Variants in LACRT observed in about 807,000 individuals in gnomAD.
LACRT encodes extracellular glycoprotein lacritin.
Under a neutral mutation model 14.5 loss-of-function variants are expected in LACRT, and 14 were observed. The ratio of observed to expected loss-of-function variants is 0.96; its 90% CI spans 0.64 to 1.51. The LOEUF is 1.51. Ranked by LOEUF, LACRT falls within the 40% of genes most tolerant of loss-of-function variation. The probability of loss-of-function intolerance (pLI) is 0.00; values close to 1 mark genes in which losing one functional copy is unlikely to be tolerated. For synonymous variants in LACRT, 70 were observed against 63.5 expected, an observed-to-expected ratio of 1.10 and a Z score of -0.48; for missense variants, 156 against 161.8, an observed-to-expected ratio of 0.96 and a Z score of 0.19.
In LACRT at chr12:54,631,765, C is replaced by A. The variant is rs373073673; in HGVS notation, c.328G>T (p.Val110Leu). The A allele has an allele frequency of 6.2e-7, 1 of 1,613,762 alleles. No individual in the cohort carries two copies. Among genetic ancestry groups the A allele is most frequent in the Non-Finnish European group, 8.5e-7 (1 of 1,179,740 alleles). Residue 110 changes from valine (V) to leucine (L), a missense_variant, in exon 4 of 5, where the codon GTG (valine) becomes TTG (leucine). By Grantham distance (32) the Val-to-Leu change is conservative. Coordinates refer to ENST00000257867, the MANE Select transcript of LACRT (RefSeq NM_033277.2). ...AKAGKGMHGGVPGGKQFIENG... is the reference protein window; with the variant it reads ...AKAGKGMHGGLPGGKQFIENG... ...TCGATGAATTGTTTTCCACCTGGCA[C>A]GCCTCCGTGCATTCCTTTTCCTGCT...
In LACRT at chr12:54,633,162, A is replaced by C. The variant is rs146560756; in HGVS notation, c.112+18T>G. 11 of 1,613,032 alleles carry C rather than the reference A, an allele frequency of 6.8e-6. No homozygotes were observed. Among genetic ancestry groups the C allele is most frequent in the Non-Finnish European group, 9.3e-6 (11 of 1,179,044 alleles). ...CCTTCCCAACGAGGGCTAGGGCAGC[A>C]GGGAGAGGAGGACTCACAGGTCCCA... On this transcript the variant is annotated intron_variant, in intron 2 of 4. Coordinates refer to ENST00000257867, the MANE Select transcript of LACRT (RefSeq NM_033277.2).
At chr12:54,631,370 G>T (rs1958151070) in intron 4 of LACRT, among the ~76,000 whole-genome samples, 2 of 152,186 alleles carry the variant, frequency 1.3e-5, no homozygotes, top group African/African-American at 4.8e-5. Context: ...CTCCCAAGTA[G>T]CTGGGACTAC....
intron 4 of LACRT, 86 bp downstream of exon 4, chr12:54,631,652 G>C (rs538463987): frequency 1.0e-6 from 1 of 963,232 alleles, no homozygotes; most frequent in Non-Finnish European, 1.7e-6. Context: ...TGGAAATGGG[G>C]GCAAGTTCTG....
intron 4 of LACRT, among the ~76,000 whole-genome samples, chr12:54,631,260 G>A (rs1313050839): frequency 6.6e-6 from 1 of 151,928 alleles, no homozygotes; most frequent in Non-Finnish European, 1.5e-5. Context: ...TTTTTTTTGA[G>A]ACAGGGTCTT....
Position 54,632,318 on chromosome 12 carries a change from G to T in LACRT, c.176C>A (p.Thr59Lys), listed in dbSNP as rs773915938. The T allele has an allele frequency of 6.2e-7, 1 of 1,614,164 alleles. No homozygotes were observed. Among genetic ancestry groups the T allele is most frequent in the East Asian group, 2.2e-5 (1 of 44,886 alleles). ...EPASPPETTT[T>K]AQETSAAAVQ... is the part of the protein sequence containing the mutation. Reference sequence around the variant, plus strand: ...TGCTGCCGCCGAAGTCTCCTGGGCTGTTGTGGTTGTCTCTGGGGGTGAAGC... The same window carrying T: ...TGCTGCCGCCGAAGTCTCCTGGGCTTTTGTGGTTGTCTCTGGGGGTGAAGC... Residue 59 changes from threonine to lysine, a missense_variant, in exon 3 of 5, where the codon ACA becomes AAA. Transcript: ENST00000257867.
At chr12:54,632,516 C>G (rs1222584560) in intron 2 of LACRT, 135 bp from the exon 3 acceptor site, 7 of 1,018,774 alleles carry the variant, frequency 6.9e-6, no homozygotes, top group Non-Finnish European at 1.0e-5. Flanking sequence ...AACGCTGCCC[C>G]CTTAAGGGAG....
chr12:54,634,518 A>G (rs540708316), intron 1 of LACRT, among the ~76,000 whole-genome samples: 93 of 152,122 alleles, frequency 6.1e-4, no homozygotes, highest in African/African-American at 2.2e-3. Context: ...AGGGGACACC[A>G]GAGAAGCCAG....
chr12:54,634,074 A>G (rs1007455797), intron 1 of LACRT, among the ~76,000 whole-genome samples: 1 of 151,938 alleles, frequency 6.6e-6, no homozygotes, highest in African/African-American at 2.4e-5. Flanking sequence ...GCATCCCAGC[A>G]GGGCACGGTG....
intron 1 of LACRT, 51 bp downstream of exon 1, chr12:54,634,733 T>C: frequency 6.5e-7 from 1 of 1,528,176 alleles, no homozygotes; most frequent in South Asian, 1.1e-5. Flanking sequence ...AGTGAGGGGC[T>C]CCTTGGACTG....
Position 54,632,261 on chromosome 12 carries a change from C to T in LACRT, c.233G>A (p.Arg78Lys), listed in dbSNP as rs773930159. 7 of 1,613,968 alleles carry T rather than the reference C, an allele frequency of 4.3e-6. No homozygotes were observed. The African/African-American group carries it at 5.3e-5, about 12-fold the overall frequency. Residue 78 changes from arginine to lysine, a missense_variant, in exon 3 of 5, where the codon AGG becomes AAG. Transcript: ENST00000257867. ...VQGTAKVTSSRQELNPLKSIV... is the reference protein window; with the variant it reads ...VQGTAKVTSSKQELNPLKSIV... ...CTTACTCAGGGGGTTTAGTTCCTGC[C>T]TGCTTGAGGTGACCTTGGCTGTCCC...
intron 1 of LACRT, 123 bp downstream of exon 1, chr12:54,634,661 T>C (rs1263944472): frequency 1.1e-6 from 1 of 912,052 alleles, no homozygotes; most frequent in East Asian, 2.4e-5. Flanking sequence ...GGGAGAGGAG[T>C]CACTTGCAGA....
chr12:54,631,286 A>G (rs1410093441), intron 4 of LACRT, among the ~76,000 whole-genome samples: 4 of 152,106 alleles, frequency 2.6e-5, no homozygotes, highest in Non-Finnish European at 4.4e-5. Context: ...GTCACCCAGG[A>G]TGGAGTGCAG....
At chr12:54,634,429 G>A (rs1350156785) in intron 1 of LACRT, among the ~76,000 whole-genome samples, 4 of 151,778 alleles carry the variant, frequency 2.6e-5, no homozygotes, top group Admixed American at 6.6e-5. Flanking sequence ...TTGGCAAGTA[G>A]AGTGTCGGCC....
chr12:54,632,291 ACTG>A lies in LACRT; in HGVS notation c.200_202del (p.Ala67del). 6.2e-7 allele frequency: 1 copy of A among 1,614,056 alleles called. No individual in the cohort carries two copies. Among genetic ancestry groups the A allele is most frequent in the Non-Finnish European group, 8.5e-7 (1 of 1,180,000 alleles). ...TGAGGTGACCTTGGCTGTCCCCTGAACTGCTGCCGCCGAAGTCTCCTGGGCTGT... is the reference window on the plus strand; with the variant it reads ...TGAGGTGACCTTGGCTGTCCCCTGAACTGCCGCCGAAGTCTCCTGGGCTGT... On this transcript the variant is annotated inframe_deletion, in exon 3 of 5. Coordinates refer to ENST00000257867, the MANE Select transcript of LACRT (RefSeq NM_033277.2).
At chr12:54,634,709 G>C in intron 1 of LACRT, 75 bp downstream of exon 1, 1 of 1,305,844 alleles carries the variant, frequency 7.7e-7, no homozygotes, top group South Asian at 1.2e-5. Context: ...GAGGAGGAGA[G>C]GGGTGAAGGC....
chr12:54,632,919 T>C (rs1565724951), intron 2 of LACRT, among the ~76,000 whole-genome samples: 1 of 152,000 alleles, frequency 6.6e-6, no homozygotes, highest in East Asian at 1.9e-4. Context: ...TAACCTCATG[T>C]TTCTCTCCCT....
chr12:54,634,604 C>T (rs562197503), intron 1 of LACRT, among the ~76,000 whole-genome samples, 180 bp downstream of exon 1: 93 of 152,226 alleles, frequency 6.1e-4, no homozygotes, highest in African/African-American at 2.2e-3. Context: ...CCAGAGAGTT[C>T]TGGGTTCCTC....
At chr12:54,633,142 C>T in intron 2 of LACRT, 38 bp downstream of exon 2, 3 of 1,605,966 alleles carry the variant, frequency 1.9e-6, no homozygotes, top group Non-Finnish European at 2.6e-6. Flanking sequence ...TTAAACCTTC[C>T]CAACGAGGGC....
At chr12:54,632,159 T>C in intron 3 of LACRT, 82 bp downstream of exon 3, 1 of 1,519,464 alleles carries the variant, frequency 6.6e-7, no homozygotes. Context: ...ACCAGGCTTA[T>C]CTCTGTGCGT....
Sources: allele counts gnomAD v4.1 joint callset (sites outside exome capture counted in the v4.1 genomes callset), GRCh38; gene constraint gnomAD v4.1.1; transcripts MANE v1.5; gene names NCBI Gene and HGNC (gene_info 2026-07-23, HGNC 2026-07-21).